VPS50: variants seen among roughly 807,000 people sequenced by gnomAD.
VPS50 encodes the protein VPS50 subunit of EARP/GARPII complex, also known as syndetin.
VPS50 carries 70 observed loss-of-function variants against 139.7 expected under a neutral mutation model. The observed-to-expected ratio is 0.50, with a 90% CI of 0.41 to 0.61. The LOEUF (loss-of-function observed/expected upper bound fraction) is 0.61. Among genes scored for constraint, VPS50 ranks in the 20% least tolerant of loss-of-function variants. VPS50 has a pLI of 0.00. For missense variants in VPS50, 921 were observed against 1,133.7 expected, an observed-to-expected ratio of 0.81 and a Z score of 2.69; for synonymous variants, 365 against 376.7, an observed-to-expected ratio of 0.97 and a Z score of 0.36.
chr7:93,351,779 A>T (rs907816395), intron 25 of VPS50, among the ~76,000 whole-genome samples: 1 of 152,178 alleles, frequency 6.6e-6, no homozygotes, highest in African/African-American at 2.4e-5. Flanking sequence ...ACCATAGAAC[A>T]TACTAACCAT....
At chr7:93,348,643 T>C (rs759325188) in intron 23 of VPS50, 68 bp from the exon 24 acceptor site, 8 of 1,035,102 alleles carry the variant, frequency 7.7e-6, no homozygotes, top group African/African-American at 3.2e-5. Context: ...AAAATACTTA[T>C]ACGAAAGCAT....
rs990544365 is a variant in VPS50 at position 93,268,421 on chromosome 7, A to G, written c.660-2799A>G. 4.6e-5 allele frequency among the ~76,000 whole-genome samples: 7 copies of G among 152,134 alleles called. No homozygotes were observed. The South Asian group carries it at 1.0e-3, about 23-fold the overall frequency. Reference sequence around the variant, plus strand: ...CCATGGTGGTTTGCTGCACCTATCAACCTATCACCTAGGTATTAAATCTGG... The same window carrying G: ...CCATGGTGGTTTGCTGCACCTATCAGCCTATCACCTAGGTATTAAATCTGG... On this transcript the variant is annotated intron_variant, in intron 9 of 27. Coordinates refer to ENST00000305866, the MANE Select transcript of VPS50 (RefSeq NM_017667.4).
intron 4 of VPS50, among the ~76,000 whole-genome samples, chr7:93,254,616 G>GA: frequency 2.0e-5 from 3 of 152,166 alleles, no homozygotes; most frequent in African/African-American, 7.2e-5. Flanking sequence ...GATTCAGAAA[G>GA]TCTGAATTGT....
chr7:93,313,084 G>A (rs1445587158), intron 20 of VPS50, among the ~76,000 whole-genome samples: 1 of 152,184 alleles, frequency 6.6e-6, no homozygotes, highest in Non-Finnish European at 1.5e-5. Context: ...CTAAGATGTA[G>A]GTTGAAAGAA....
intron 27 of VPS50, among the ~76,000 whole-genome samples, chr7:93,356,542 G>A (rs1331667308): frequency 6.6e-6 from 1 of 152,160 alleles, no homozygotes; most frequent in African/African-American, 2.4e-5. Flanking sequence ...TTAGTGATGA[G>A]TGAAGACATT....
At position 93,358,311 on chromosome 7, in the gene VPS50, G is replaced by A; in HGVS notation, c.2776-6G>A. 6.2e-7 allele frequency: 1 copy of A among 1,612,334 alleles called. No individual in the cohort carries two copies. The highest frequency in any genetic ancestry group is 8.5e-7 in the Non-Finnish European group (1 of 1,178,756). On this transcript the variant is annotated splice_region_variant and splice_polypyrimidine_tract_variant and intron_variant, in intron 27 of 27. Coordinates refer to ENST00000305866, the MANE Select transcript of VPS50 (RefSeq NM_017667.4). Reference sequence around the variant, plus strand: ...TACTAAATTTGGATCTTTCTTCTTTGAGCAGGAATATTCAACGAAGCAGCT... The same window carrying A: ...TACTAAATTTGGATCTTTCTTCTTTAAGCAGGAATATTCAACGAAGCAGCT...
intron 22 of VPS50, among the ~76,000 whole-genome samples, chr7:93,337,095 C>T (rs757102324): frequency 5.3e-5 from 8 of 152,172 alleles, no homozygotes; most frequent in East Asian, 1.9e-4. Context: ...TTGACATTTT[C>T]GTGACTCTCT....
At chr7:93,306,027 AAGTG>A in intron 18 of VPS50, 23 bp downstream of exon 18, 1 of 1,578,690 alleles carries the variant, frequency 6.3e-7, no homozygotes, top group Non-Finnish European at 8.7e-7. Context: ...TGTGAAACAT[AAGTG>A]AGTTTTTTTT....
chr7:93,297,196 G>A lies in VPS50; in HGVS notation c.1314G>A (p.Gln438=). 1.3e-6 allele frequency: 2 copies of A among 1,563,596 alleles called. No individual in the cohort carries two copies. Among genetic ancestry groups the A allele is most frequent in the Non-Finnish European group, 1.7e-6 (2 of 1,164,078 alleles). The stretch of plus-strand genomic sequence containing the variant: ...GTGGTAGCAAGTCTGAAGTTTTACA[G>A]GAATCTATTAGAAAACAAAGTGTCA... The part of the protein sequence containing the change: ...EFCGSKSEVL[Q]ESIRKQSVNY... The change falls in exon 16 of 28, where the codon CAG becomes CAA. Residue 438 remains glutamine, a synonymous_variant. Transcript: ENST00000305866.
chr7:93,264,402 A>AAATTTGTCTC (rs1288669266), intron 9 of VPS50, among the ~76,000 whole-genome samples: 8 of 152,198 alleles, frequency 5.3e-5, no homozygotes, highest in Non-Finnish European at 2.9e-5. Flanking sequence ...TTTTCACTTG[A>AAATTTGTCTC]AATTTGTCTC....
At position 93,334,125 on chromosome 7, in the gene VPS50, A is replaced by T. The variant is rs1798009294; in HGVS notation, c.1986A>T (p.Ser662=). The T allele has an allele frequency of 6.3e-7, 1 of 1,585,138 alleles. No individual in the cohort carries two copies. The highest frequency in any genetic ancestry group is 1.1e-5 in the South Asian group (1 of 88,646). ...TFFGRNDSLE[S]TGLGLSSSRL... ...GCCTTTTTCTTTTTCAGTTGGAATC[A>T]ACTGGACTCGGCCTTAGTAGTAGTA... The change falls in exon 22 of 28, where the codon TCA becomes TCT. Residue 662 remains serine (S), a synonymous_variant. Coordinates refer to ENST00000305866, the MANE Select transcript of VPS50 (RefSeq NM_017667.4).
intron 2 of VPS50, among the ~76,000 whole-genome samples, chr7:93,251,535 G>C (rs925170279): frequency 2.7e-5 from 4 of 149,926 alleles, no homozygotes; most frequent in African/African-American, 9.8e-5. Flanking sequence ...GGGGCTAGGG[G>C]AGGGATAGCA....
At chr7:93,329,812 G>A (rs185148278) in intron 21 of VPS50, among the ~76,000 whole-genome samples, 88 of 152,192 alleles carry the variant, frequency 5.8e-4, no homozygotes, top group African/African-American at 2.0e-3. Context: ...CGTCATTCGA[G>A]AATGAAAGTG....
chr7:93,298,222 A>G (rs1410975007), intron 16 of VPS50, among the ~76,000 whole-genome samples: 1 of 152,212 alleles, frequency 6.6e-6, no homozygotes. Flanking sequence ...TTTGAGTTTC[A>G]TGACTGAGAA....
intron 21 of VPS50, 68 bp from the exon 22 acceptor site, chr7:93,334,049 T>A: frequency 1.1e-6 from 1 of 880,810 alleles, no homozygotes; most frequent in Non-Finnish European, 1.9e-6. Flanking sequence ...AATATCTTGG[T>A]TAATTTGAAG....
chr7:93,300,905 T>C (rs1376350421), intron 16 of VPS50, among the ~76,000 whole-genome samples: 2 of 152,132 alleles, frequency 1.3e-5, no homozygotes, highest in Admixed American at 6.5e-5. Context: ...AGCAATATGA[T>C]GGGTTTAAAC....
chr7:93,294,594 C>T lies in VPS50; in HGVS notation c.1125C>T (p.Tyr375=). The part of the protein sequence containing the change: ...GTEETNFDRG[Y]IKKKLEHGLT... ...AAGAAACTAATTTTGATCGTGGCTA[C>T]ATAAAAAAGAAATTAGAACATGGAC... The change falls in exon 14 of 28, where the codon TAC becomes TAT. Residue 375 remains tyrosine (Y), a synonymous_variant. Transcript: ENST00000305866. 6.3e-7 allele frequency: 1 copy of T among 1,596,056 alleles called. No individual in the cohort carries two copies. The highest frequency in any genetic ancestry group is 8.5e-7 in the Non-Finnish European group (1 of 1,172,614).
At position 93,310,817 on chromosome 7, in the gene VPS50, C is replaced by T. The variant is rs771166722; in HGVS notation, c.1749-349C>T. 7.9e-5 allele frequency among the ~76,000 whole-genome samples: 12 copies of T among 151,946 alleles called. No individual in the cohort carries two copies. The South Asian group carries it at 1.0e-3, about 13-fold the overall frequency. ...CCATCAATATTCTGTACTTAATTCA[C>T]GTTCTTAGGAGGGTATTTTTTCATA... On this transcript the variant is annotated intron_variant, in intron 19 of 27. Transcript: ENST00000305866.
chr7:93,242,333 G>A (rs1208037799), intron 2 of VPS50, among the ~76,000 whole-genome samples: 2 of 151,770 alleles, frequency 1.3e-5, no homozygotes, highest in Non-Finnish European at 1.5e-5. Context: ...GAAACAGGGC[G>A]ATGAGATAAA....
Sources: gnomAD v4.1 joint callset for allele counts (sites outside exome capture counted in the v4.1 genomes callset) on GRCh38, gnomAD v4.1.1 for gene constraint, MANE v1.5 for transcripts, NCBI Gene and HGNC (gene_info 2026-07-23, HGNC 2026-07-21) for gene names.